Variants in STAMBP observed in about 807,000 individuals in gnomAD.
The protein encoded by STAMBP is STAM binding protein.
STAMBP carries 31 observed loss-of-function variants against 50.7 expected under a neutral mutation model. The observed-to-expected ratio is 0.61, with a 90% confidence interval of 0.46 to 0.83. The LOEUF is 0.83. STAMBP is among the 40% of genes least tolerant of loss of function. The pLI, the probability that STAMBP is intolerant of heterozygous loss-of-function variation, is 0.00. For missense variants in STAMBP, 472 were observed against 518.9 expected (o/e 0.91, Z 0.88); for synonymous variants, 211 against 192.4 (o/e 1.10, Z -0.80).
chr2:73,857,061 T>C (rs978484009), intron 7 of STAMBP, among the ~76,000 whole-genome samples: 2 of 152,242 alleles, frequency 1.3e-5, no homozygotes, highest in African/African-American at 4.8e-5. Flanking sequence ...TGGCACAGCA[T>C]TGAATTCTTC....
intron 7 of STAMBP, chr2:73,855,709 T>C (rs1014878642): frequency 4.4e-6 from 2 of 456,020 alleles, no homozygotes; most frequent in African/African-American, 4.0e-5. Flanking sequence ...AACACGTTCC[T>C]GTCCTGAAGG....
chr2:73,837,591 A>G (rs1472672880), intron 2 of STAMBP, among the ~76,000 whole-genome samples: 3 of 149,694 alleles, frequency 2.0e-5, no homozygotes, highest in African/African-American at 7.4e-5. Context: ...TCTCAAAAAA[A>G]AAAAAAAAAA....
In STAMBP at chr2:73,847,762, A is replaced by G. The variant is rs750131253; in HGVS notation, c.742+9A>G. 1.2e-6 allele frequency: 2 copies of G among 1,608,700 alleles called. No individual in the cohort carries two copies. The highest frequency in any genetic ancestry group is 1.7e-5 in the Admixed American group (1 of 59,704). ...GAGCAACTCAGAAAGTAGTAAGTGC[A>G]TTTGCTGATGTCCTCTTCCTTCTCA... On this transcript the variant is annotated intron_variant, in intron 5 of 9. Coordinates refer to ENST00000394070, the MANE Select transcript of STAMBP (RefSeq NM_213622.4).
In STAMBP at chr2:73,850,271, G is replaced by A; in HGVS notation, c.868-105G>A. On this transcript the variant is annotated intron_variant, in intron 6 of 9. Transcript: ENST00000394070. The surrounding 1 kb of genome is among the most constrained non-coding windows in gnomAD (Gnocchi z 4.3). The stretch of plus-strand genomic sequence containing the variant: ...TGGCAGGACTCCTGCTGTGTGGGAA[G>A]GGCTTTCACTTGTATAGATGCTTAC... The A allele has an allele frequency of 7.0e-7, 1 of 1,420,512 alleles. No individual in the cohort carries two copies. Among genetic ancestry groups the A allele is most frequent in the East Asian group, 2.5e-5 (1 of 40,812 alleles). The allele number at this position is 1,420,512 out of a possible 1,614,324, so 88.0% of individuals were successfully genotyped here.
intron 5 of STAMBP, among the ~76,000 whole-genome samples, chr2:73,849,142 C>G (rs11904306): frequency 6.6e-6 from 1 of 152,118 alleles, no homozygotes; most frequent in African/African-American, 2.4e-5. Flanking sequence ...CTACTATTTT[C>G]TCTTCTTGAA....
chr2:73,861,825 C>G (rs1678361132), intron 9 of STAMBP, among the ~76,000 whole-genome samples: 1 of 151,794 alleles, frequency 6.6e-6, no homozygotes, highest in African/African-American at 2.4e-5. Context: ...CCGCACCCAG[C>G]CAAAAAGTGG....
At position 73,831,068 on chromosome 2, in the gene STAMBP, C is replaced by A. The variant is rs1673856465; in HGVS notation, c.203+9C>A. 1.2e-6 allele frequency: 2 copies of A among 1,611,470 alleles called. No individual in the cohort carries two copies. Among genetic ancestry groups the A allele is most frequent in the Non-Finnish European group, 8.5e-7 (1 of 1,177,628 alleles). ...TATAACAAGTATATCACGTAAGACA[C>A]CTACAGTTTCCTTTTTCCTTTCTGG... On this transcript the variant is annotated intron_variant, in intron 2 of 9. Coordinates refer to ENST00000394070, the MANE Select transcript of STAMBP (RefSeq NM_213622.4).
intron 2 of STAMBP, among the ~76,000 whole-genome samples, chr2:73,842,586 G>A (rs889295195): frequency 6.6e-6 from 1 of 152,122 alleles, no homozygotes; most frequent in African/African-American, 2.4e-5. Context: ...AAGTGTTTTG[G>A]TCTGTATTTA....
rs930622023 is a variant in STAMBP, at chr2:73,850,043, C to A, written c.868-333C>A. ...AGGGCTTAAGGAAACAGTGACAGGA[C>A]AACAACTTTAGACCTGAGCAAGGGA... is the stretch of plus-strand genomic sequence containing the variant. On this transcript the variant is annotated intron_variant, in intron 6 of 9. Transcript: ENST00000394070. This position sits in a 1 kb window ranked among gnomAD's most constrained non-coding sequence, Gnocchi z 4.3. Among the ~76,000 whole-genome samples the A allele has an allele frequency of 1.3e-5, 2 of 152,218 alleles. No homozygotes were observed. The highest frequency in any genetic ancestry group is 6.5e-5 in the Admixed American group (1 of 15,290).
At chr2:73,867,571 G>A (rs1215321407), downstream of STAMBP, among the ~76,000 whole-genome samples, 3 of 151,614 alleles carry the variant, frequency 2.0e-5, no homozygotes, top group Non-Finnish European at 4.4e-5. Context: ...AATAATAGAA[G>A]GTTACCTCTA....
chr2:73,834,534 G>A (rs1365574221), intron 2 of STAMBP, among the ~76,000 whole-genome samples: 1 of 151,914 alleles, frequency 6.6e-6, no homozygotes, highest in Non-Finnish European at 1.5e-5. Flanking sequence ...TCTTCATGTT[G>A]AGTAGGCTGA....
rs552232117 is a variant in STAMBP, at chr2:73,830,879, G to A, written c.23G>A (p.Ser8Asn). The A allele has an allele frequency of 1.2e-5, 20 of 1,613,340 alleles. No homozygotes were observed. In the South Asian group the frequency reaches 2.1e-4, roughly 17 times the overall value. The change falls in exon 2 of 10, where the codon AGC becomes AAC. Residue 8 changes from serine (S) to asparagine (N), a missense_variant. Ser to Asn is a conservative substitution (Grantham distance 46). Transcript: ENST00000394070. MSDHGDV[S>N]LPPEDRVRAL... Reference sequence around the variant, plus strand: ...CTGATGTCTGACCATGGAGATGTGAGCCTCCCGCCCGAAGACCGGGTGAGG... The same window carrying A: ...CTGATGTCTGACCATGGAGATGTGAACCTCCCGCCCGAAGACCGGGTGAGG...
At chr2:73,849,691 T>C (rs1676564981) in intron 6 of STAMBP, among the ~76,000 whole-genome samples, 1 of 152,138 alleles carries the variant, frequency 6.6e-6, no homozygotes, top group Non-Finnish European at 1.5e-5. Flanking sequence ...ATGCTAGTAG[T>C]AAGAAATACC....
At position 73,858,844 on chromosome 2, in the gene STAMBP, T is replaced by G. The variant is rs537175509; in HGVS notation, c.1006-410T>G. 3.9e-5 allele frequency among the ~76,000 whole-genome samples: 6 copies of G among 152,332 alleles called. No individual in the cohort carries two copies. The South Asian group carries it at 1.2e-3, about 32-fold the overall frequency. On this transcript the variant is annotated intron_variant, in intron 7 of 9. Coordinates refer to ENST00000394070, the MANE Select transcript of STAMBP (RefSeq NM_213622.4). ...ACCAGCTGTTGAGAACTGTTTGGCTTTACTTCCTTCAGAGACCAGACTTGG... is the reference window on the plus strand; with the variant it reads ...ACCAGCTGTTGAGAACTGTTTGGCTGTACTTCCTTCAGAGACCAGACTTGG...
intron 7 of STAMBP, among the ~76,000 whole-genome samples, chr2:73,852,979 A>G (rs1677059253): frequency 7.0e-6 from 1 of 142,132 alleles, no homozygotes; most frequent in South Asian, 2.3e-4. Flanking sequence ...ACTGGGTTTC[A>G]CTATGTTGGC....
chr2:73,855,885 A>G (rs1677489782), intron 7 of STAMBP, among the ~76,000 whole-genome samples: 1 of 151,972 alleles, frequency 6.6e-6, no homozygotes, highest in South Asian at 2.1e-4. Flanking sequence ...TCCTCAGGAG[A>G]TTTGTTTTTT....
downstream of STAMBP, among the ~76,000 whole-genome samples, chr2:73,870,879 T>C (rs13414927): frequency 0.065 from 9,879 of 152,236 alleles, 439 homozygotes; most frequent in African/African-American, 0.11. Flanking sequence ...TCTAGAACTT[T>C]TCTCACACAG....
Position 73,850,297 on chromosome 2 carries a change from C to G in STAMBP, c.868-79C>G. The G allele has an allele frequency of 4.0e-6, 6 of 1,518,466 alleles. No homozygotes were observed. Among genetic ancestry groups the G allele is most frequent in the Non-Finnish European group, 5.3e-6 (6 of 1,128,322 alleles). The allele number at this position is 1,518,466 out of a possible 1,614,324, so 94.1% of individuals were successfully genotyped here. On this transcript the variant is annotated intron_variant, in intron 6 of 9. Coordinates refer to ENST00000394070, the MANE Select transcript of STAMBP (RefSeq NM_213622.4). The surrounding 1 kb of genome is among the most constrained non-coding windows in gnomAD (Gnocchi z 4.3). The stretch of plus-strand genomic sequence containing the variant: ...GGCTTTCACTTGTATAGATGCTTAC[C>G]TTTCCACTGTCGGGATGGAGTGGAG...
chr2:73,830,083 G>A (rs1673710311), intron 1 of STAMBP, among the ~76,000 whole-genome samples: 1 of 152,232 alleles, frequency 6.6e-6, no homozygotes, highest in African/African-American at 2.4e-5. Flanking sequence ...TATCTAGAAA[G>A]ACTAGAATTA....
Sources: gnomAD v4.1 joint callset for allele counts (sites outside exome capture counted in the v4.1 genomes callset) on GRCh38, gnomAD v4.1.1 for gene constraint, Gnocchi (gnomAD v3.1) non-coding constraint, MANE v1.5 for transcripts, NCBI Gene and HGNC (gene_info 2026-07-23, HGNC 2026-07-21) for gene names.